PDGFRL: variants seen among roughly 807,000 people sequenced by gnomAD.
The protein encoded by PDGFRL is platelet derived growth factor receptor like.
In PDGFRL, 46 loss-of-function variants were observed where a neutral mutation model predicts 37.2. The observed-to-expected ratio is 1.24, with a 90% CI of 0.98 to 1.58. The LOEUF is 1.58. Ranked by LOEUF, PDGFRL falls within the 40% of genes most tolerant of loss-of-function variation. The pLI is 0.00. For synonymous variants in PDGFRL, 251 were observed against 184.3 expected (o/e 1.36, Z -2.93); for missense variants, 692 against 467.6 (o/e 1.48, Z -4.43).
chr8:17,634,947 A>G (rs191789167), intron 5 of PDGFRL, among the ~76,000 whole-genome samples: 1 of 151,446 alleles, frequency 6.6e-6, no homozygotes, highest in East Asian at 1.9e-4. Context: ...AGACTTGCAC[A>G]TATACCCCTG....
chr8:17,585,586 T>C (rs934168317), intron 1 of PDGFRL, among the ~76,000 whole-genome samples: 1 of 152,086 alleles, frequency 6.6e-6, no homozygotes, highest in African/African-American at 2.4e-5. Flanking sequence ...ATATAACTAA[T>C]TGGGAAGCAA....
In PDGFRL at chr8:17,618,741, C is replaced by T. The variant is rs117409200; in HGVS notation, c.354-2310C>T. 7.7e-3 allele frequency among the ~76,000 whole-genome samples: 1,170 copies of T among 152,276 alleles called. 29 individuals carry two copies. In the South Asian group the frequency reaches 0.094, roughly 12 times the overall value. ...TTCGCTCATGTTTAGGGAGTCCTTA[C>T]TGCATACTCTGCACAGATTTGTTGC... On this transcript the variant is annotated intron_variant, in intron 2 of 5. Transcript: ENST00000251630.
At position 17,608,871 on chromosome 8, in the gene PDGFRL, A is replaced by T. The variant is rs550519008; in HGVS notation, c.354-12180A>T. Among the ~76,000 whole-genome samples the T allele has an allele frequency of 9.2e-5, 14 of 152,150 alleles. No homozygotes were observed. In the South Asian group the frequency reaches 2.1e-3, roughly 23 times the overall value. On this transcript the variant is annotated intron_variant, in intron 2 of 5. Transcript: ENST00000251630. Reference sequence around the variant, plus strand: ...AAATGGAATCATTGTGTAAGTGATGACCTGATTGTTGGAGACCAGGCCTTG... The same window carrying T: ...AAATGGAATCATTGTGTAAGTGATGTCCTGATTGTTGGAGACCAGGCCTTG...
intron 1 of PDGFRL, among the ~76,000 whole-genome samples, chr8:17,585,219 C>T (rs558895208): frequency 6.1e-4 from 93 of 152,230 alleles, no homozygotes; most frequent in Non-Finnish European, 1.1e-3. Flanking sequence ...GATTCTTTAC[C>T]ACAACCTGTT....
chr8:17,642,988 T>G lies in PDGFRL; in HGVS notation c.*187T>G. On this transcript the variant is annotated 3_prime_UTR_variant, in exon 6 of 6. Coordinates refer to ENST00000251630, the MANE Select transcript of PDGFRL (RefSeq NM_001372073.1). ...TCATCCAGTCTATTCACAGAAGTGT[T>G]AACTTTTCTAACAGAAAGCATGATT... 1.9e-6 allele frequency: 1 copy of G among 513,666 alleles called. No homozygotes were observed. The allele number at this position is 513,666 out of a possible 1,614,324, so 31.8% of individuals were successfully genotyped here.
chr8:17,641,898 C>CCCCCCCCCCCCCCCCCCCCCT (rs1563534531), intron 5 of PDGFRL, among the ~76,000 whole-genome samples: 2 of 129,858 alleles, frequency 1.5e-5, no homozygotes, highest in African/African-American at 6.5e-5. Flanking sequence ...AATAGAGGTC[C>CCCCCCCCCCCCCCCCCCCCCT]CCGCCACATT....
rs888026293 is a variant in PDGFRL at position 17,598,258 on chromosome 8, A to G, written c.353+8493A>G. Among the ~76,000 whole-genome samples, 6 of 152,346 alleles carry G rather than the reference A, an allele frequency of 3.9e-5. No individual in the cohort carries two copies. The South Asian group carries it at 1.2e-3, about 32-fold the overall frequency. ...ACCAGCAAAGTGGTGTGTGATCAGT[A>G]GTTTCCCTAGAACCCAGTTGCCTTA... is the stretch of plus-strand genomic sequence containing the variant. On this transcript the variant is annotated intron_variant, in intron 2 of 5. Coordinates refer to ENST00000251630, the MANE Select transcript of PDGFRL (RefSeq NM_001372073.1).
chr8:17,630,491 C>G (rs1476572799), intron 4 of PDGFRL, among the ~76,000 whole-genome samples: 2 of 152,170 alleles, frequency 1.3e-5, no homozygotes, highest in East Asian at 1.9e-4. Flanking sequence ...GTAAGACAGC[C>G]TCATTCTGGT....
chr8:17,620,789 A>G (rs1321377894), intron 2 of PDGFRL, among the ~76,000 whole-genome samples: 1 of 152,132 alleles, frequency 6.6e-6, no homozygotes, highest in Non-Finnish European at 1.5e-5. Context: ...ATGTTGCTCA[A>G]ATTGTTTTAG....
chr8:17,630,310 A>G (rs144154095), intron 4 of PDGFRL, among the ~76,000 whole-genome samples: 1 of 152,206 alleles, frequency 6.6e-6, no homozygotes, highest in East Asian at 1.9e-4. Context: ...ACTTCTTTCA[A>G]TGTGGCCATT....
chr8:17,623,774 T>G (rs1804680239), intron 3 of PDGFRL, among the ~76,000 whole-genome samples: 1 of 151,226 alleles, frequency 6.6e-6, no homozygotes, highest in Non-Finnish European at 1.5e-5. Context: ...CTCAGGAGGC[T>G]GAAGCAGGAG....
chr8:17,608,136 A>G (rs549028191), intron 2 of PDGFRL, among the ~76,000 whole-genome samples: 2 of 152,246 alleles, frequency 1.3e-5, no homozygotes, highest in Non-Finnish European at 2.9e-5. Flanking sequence ...TTCCTGCTCA[A>G]AGACTTTGCT....
At chr8:17,627,297 T>G (rs562464573) in intron 3 of PDGFRL, among the ~76,000 whole-genome samples, 1 of 152,354 alleles carries the variant, frequency 6.6e-6, no homozygotes, top group Admixed American at 6.5e-5. Flanking sequence ...GTTTACAGCT[T>G]ATTAGCTTGA....
intron 1 of PDGFRL, among the ~76,000 whole-genome samples, chr8:17,580,776 T>C (rs1470407861): frequency 6.6e-6 from 1 of 152,112 alleles, no homozygotes; most frequent in Non-Finnish European, 1.5e-5. Flanking sequence ...AAAGTCAGTG[T>C]CAGCAGCACC....
intron 2 of PDGFRL, among the ~76,000 whole-genome samples, chr8:17,604,657 GCA>G (rs1804234993): frequency 3.3e-5 from 5 of 152,060 alleles, no homozygotes; most frequent in African/African-American, 1.2e-4. Flanking sequence ...AATGGGTGCA[GCA>G]TACCAGCATG....
chr8:17,599,079 A>G (rs1324263229), intron 2 of PDGFRL, among the ~76,000 whole-genome samples: 1 of 151,190 alleles, frequency 6.6e-6, no homozygotes, highest in Non-Finnish European at 1.5e-5. Context: ...TAGTCCATTG[A>G]CTCTCCCTTC....
chr8:17,590,744 T>A (rs1490473329), intron 2 of PDGFRL, among the ~76,000 whole-genome samples: 4 of 152,004 alleles, frequency 2.6e-5, no homozygotes, highest in Admixed American at 6.6e-5. Flanking sequence ...CCGTGAAAGT[T>A]AATGGACTCA....
At chr8:17,594,702 G>A (rs546426054) in intron 2 of PDGFRL, among the ~76,000 whole-genome samples, 1 of 152,114 alleles carries the variant, frequency 6.6e-6, no homozygotes, top group Admixed American at 6.5e-5. Flanking sequence ...TTACAGGCAC[G>A]TGCCACCATG....
At chr8:17,631,744 C>G (rs894356157) in intron 4 of PDGFRL, among the ~76,000 whole-genome samples, 2 of 152,208 alleles carry the variant, frequency 1.3e-5, no homozygotes, top group Non-Finnish European at 2.9e-5. Context: ...TTCCACCTCA[C>G]CTGCAGGGAA....
Sources: gnomAD v4.1 joint callset for allele counts (sites outside exome capture counted in the v4.1 genomes callset) on GRCh38, gnomAD v4.1.1 for gene constraint, MANE v1.5 for transcripts, NCBI Gene and HGNC (gene_info 2026-07-23, HGNC 2026-07-21) for gene names.